SPHKAP: variants seen among roughly 807,000 people sequenced by gnomAD.
SPHKAP encodes the protein A-kinase anchor protein SPHKAP.
In SPHKAP, 67 loss-of-function variants were observed where a neutral mutation model predicts 137.5. The observed-to-expected ratio is 0.49, with a 90% CI of 0.40 to 0.60. SPHKAP has a LOEUF of 0.60. Ranked by LOEUF, SPHKAP falls within the 20% of genes least tolerant of loss-of-function variation. The pLI is 0.00. For synonymous variants in SPHKAP, 813 were observed against 785.3 expected (o/e 1.04, Z -0.59); for missense variants, 2,097 against 2,069.3 (o/e 1.01, Z -0.26).
At chr2:228,080,365 A>T (rs1377354206) in intron 3 of SPHKAP, among the ~76,000 whole-genome samples, 6 of 152,262 alleles carry the variant, frequency 3.9e-5, no homozygotes, top group Admixed American at 3.9e-4. Flanking sequence ...CAACAAGTAT[A>T]TGAACAAAAA....
chr2:228,142,462 A>C (rs536461489), intron 1 of SPHKAP, among the ~76,000 whole-genome samples: 2 of 151,354 alleles, frequency 1.3e-5, no homozygotes, highest in South Asian at 4.2e-4. Flanking sequence ...ACAGAGCGAG[A>C]CTCCATCTCA....
intron 3 of SPHKAP, among the ~76,000 whole-genome samples, chr2:228,071,291 A>G (rs914112478): frequency 6.6e-6 from 1 of 152,142 alleles, no homozygotes; most frequent in African/African-American, 2.4e-5. Flanking sequence ...CCCCCCAAAT[A>G]GGGCACTTTC....
chr2:228,117,155 T>G (rs1458093189), intron 2 of SPHKAP, among the ~76,000 whole-genome samples: 1 of 152,162 alleles, frequency 6.6e-6, no homozygotes, highest in Non-Finnish European at 1.5e-5. Flanking sequence ...GTCCCACACT[T>G]TTCTCCCTAC....
At chr2:227,986,543 C>A (rs188623266) in intron 11 of SPHKAP, among the ~76,000 whole-genome samples, 57 of 152,234 alleles carry the variant, frequency 3.7e-4, no homozygotes, top group Admixed American at 2.4e-3. Context: ...TAACCAAATA[C>A]CACCTGTTCC....
intron 7 of SPHKAP, among the ~76,000 whole-genome samples, chr2:227,997,530 T>C (rs1042839154): frequency 6.6e-6 from 1 of 152,258 alleles, no homozygotes; most frequent in African/African-American, 2.4e-5. Context: ...ATAAGTATTC[T>C]TCTTTATTAA....
intron 11 of SPHKAP, among the ~76,000 whole-genome samples, chr2:227,982,709 T>C (rs934350969): frequency 3.9e-5 from 6 of 152,180 alleles, no homozygotes; most frequent in Non-Finnish European, 8.8e-5. Context: ...GATGTGAGCA[T>C]TTGCAATGAA....
intron 3 of SPHKAP, among the ~76,000 whole-genome samples, chr2:228,079,227 G>C (rs1324341463): frequency 6.6e-6 from 1 of 152,204 alleles, no homozygotes; most frequent in Non-Finnish European, 1.5e-5. Context: ...GTTCATGATA[G>C]GGTTTGTGCT....
chr2:227,999,981 A>T (rs957616020), intron 7 of SPHKAP, among the ~76,000 whole-genome samples: 4 of 152,238 alleles, frequency 2.6e-5, no homozygotes, highest in Admixed American at 2.0e-4. Flanking sequence ...TTGATGTTGC[A>T]TGTTCTATAT....
intron 1 of SPHKAP, among the ~76,000 whole-genome samples, chr2:228,153,997 A>G (rs1327716425): frequency 2.0e-5 from 3 of 152,188 alleles, no homozygotes; most frequent in Non-Finnish European, 4.4e-5. Flanking sequence ...ATAGAGAAGG[A>G]TGGCAAATAG....
chr2:228,052,370 G>A (rs1486082486), intron 3 of SPHKAP, among the ~76,000 whole-genome samples: 2 of 152,008 alleles, frequency 1.3e-5, no homozygotes, highest in African/African-American at 2.4e-5. Flanking sequence ...CACAAAATAG[G>A]CCAATGCTAA....
chr2:228,161,433 C>G (rs776386684), intron 1 of SPHKAP, among the ~76,000 whole-genome samples: 7 of 152,110 alleles, frequency 4.6e-5, no homozygotes, highest in Admixed American at 4.6e-4. Context: ...GAAAAAAGTT[C>G]GTAAGATATT....
At position 228,137,258 on chromosome 2, in the gene SPHKAP, C is replaced by G. The variant is rs189700638; in HGVS notation, c.33-5173G>C. On this transcript the variant is annotated intron_variant, in intron 1 of 11. Transcript: ENST00000392056. Reference sequence around the variant, plus strand: ...GCAGGGGATCACTTAGGACACAGGACAGCGCCAGTCAGTGGGAGATGCCCA... The same window carrying G: ...GCAGGGGATCACTTAGGACACAGGAGAGCGCCAGTCAGTGGGAGATGCCCA... 6.1e-4 allele frequency among the ~76,000 whole-genome samples: 93 copies of G among 152,338 alleles called. 4 individuals carry two copies. The highest frequency in any genetic ancestry group is 5.0e-3 in the Admixed American group (76 of 15,304).
At chr2:228,088,361 T>C (rs1385857597) in intron 3 of SPHKAP, among the ~76,000 whole-genome samples, 3 of 152,184 alleles carry the variant, frequency 2.0e-5, no homozygotes, top group Admixed American at 1.3e-4. Context: ...ATGTATACCA[T>C]GTATTTTGGG....
chr2:228,053,814 G>T (rs930051424), intron 3 of SPHKAP, among the ~76,000 whole-genome samples: 3 of 152,014 alleles, frequency 2.0e-5, no homozygotes, highest in Non-Finnish European at 4.4e-5. Flanking sequence ...AATACATTTG[G>T]TTTCCATTTT....
chr2:228,140,238 C>A (rs545321202), intron 1 of SPHKAP, among the ~76,000 whole-genome samples: 11 of 149,842 alleles, frequency 7.3e-5, no homozygotes, highest in Non-Finnish European at 1.5e-4. Context: ...TGAGCTACTG[C>A]ACCCGGCCTA....
intron 3 of SPHKAP, among the ~76,000 whole-genome samples, chr2:228,104,170 T>A (rs1698261795): frequency 1.3e-5 from 2 of 148,670 alleles, no homozygotes; most frequent in South Asian, 4.2e-4. Flanking sequence ...TAATTTAAAA[T>A]GTCCTTTCAC....
chr2:228,106,785 C>T (rs4487085), intron 3 of SPHKAP, among the ~76,000 whole-genome samples: 13,617 of 152,070 alleles, frequency 0.09, 970 homozygotes, highest in East Asian at 0.29. Context: ...TTTCTTCTAC[C>T]CATCCTAGAA....
rs369913674 is a variant in SPHKAP at position 228,086,808 on chromosome 2, T to C, written c.246+22024A>G. On this transcript the variant is annotated intron_variant, in intron 3 of 11. Transcript: ENST00000392056. Reference sequence around the variant, plus strand: ...GTCTGGGAAAGTTCAAGCCTAAGGGTTCTCTCAAAAACAATAGCCCCAGTT... The same window carrying C: ...GTCTGGGAAAGTTCAAGCCTAAGGGCTCTCTCAAAAACAATAGCCCCAGTT... Among the ~76,000 whole-genome samples the C allele has an allele frequency of 3.5e-4, 53 of 151,180 alleles. 1 individual carries two copies. In the East Asian group the frequency reaches 0.01, roughly 29 times the overall value.
Position 228,091,673 on chromosome 2 carries a change from C to T in SPHKAP, c.246+17159G>A, listed in dbSNP as rs191632329. Among the ~76,000 whole-genome samples, 16 of 152,094 alleles carry T rather than the reference C, an allele frequency of 1.1e-4. No homozygotes were observed. The East Asian group carries it at 1.4e-3, about 13-fold the overall frequency. ...CCAAGAAACATTTTTAAAAAATGCT[C>T]GACATCACTAAGGATCAGGGAAATG... On this transcript the variant is annotated intron_variant, in intron 3 of 11. Transcript: ENST00000392056.
Sources: allele counts gnomAD v4.1 joint callset (sites outside exome capture counted in the v4.1 genomes callset), GRCh38; gene constraint gnomAD v4.1.1; transcripts MANE v1.5; gene names NCBI Gene and HGNC (gene_info 2026-07-23, HGNC 2026-07-21).